The following CSMD1 variants were observed in gnomAD, a reference collection of about 807,000 sequenced individuals.
CSMD1 encodes the protein CUB and sushi domain-containing protein 1.
Under a neutral mutation model 417.5 loss-of-function variants are expected in CSMD1, and 213 were observed. That is an observed-to-expected ratio of 0.51 (90% CI 0.46 to 0.57). The LOEUF is 0.57. Ranked by LOEUF, CSMD1 falls within the 20% of genes least tolerant of loss-of-function variation. The probability of loss-of-function intolerance (pLI) is 0.00; values close to 1 mark genes in which losing one functional copy is unlikely to be tolerated. For synonymous variants in CSMD1, 2,862 were observed against 1,736.8 expected (o/e 1.65, Z -16.11); for missense variants, 6,923 against 4,529.7 (o/e 1.53, Z -15.17).
At chr8:3,963,196 T>G (rs1000827171) in intron 5 of CSMD1, among the ~76,000 whole-genome samples, 1 of 152,170 alleles carries the variant, frequency 6.6e-6, no homozygotes, top group East Asian at 1.9e-4. Flanking sequence ...CCTCCCAAAG[T>G]GCTGGGATCA....
chr8:4,221,380 A>G lies in CSMD1; in HGVS notation c.416-189281T>C, dbSNP rs1024814374. The stretch of plus-strand genomic sequence containing the variant: ...GCCCATCTCTACAAGGAAAGTGAGA[A>G]AAAAAAAAAAAAACAACACATTGAC... On this transcript the variant is annotated intron_variant, in intron 3 of 69. Coordinates refer to ENST00000635120, the MANE Select transcript of CSMD1 (RefSeq NM_033225.6). Among the ~76,000 whole-genome samples, 6 of 36,318 alleles carry G rather than the reference A, an allele frequency of 1.7e-4. No individual in the cohort carries two copies. The African/African-American group carries it at 1.7e-3, about 10-fold the overall frequency. 23.8% of individuals were successfully genotyped at this position (36,318 alleles called of 152,430 possible). A position where few individuals can be genotyped will look rare whatever the true frequency, so the allele number is the denominator to read the frequency against.
chr8:3,545,965 T>C (rs1019220857), intron 10 of CSMD1, among the ~76,000 whole-genome samples: 11 of 152,246 alleles, frequency 7.2e-5, no homozygotes, highest in African/African-American at 2.4e-4. Flanking sequence ...AAGGTTTAGC[T>C]CCTAAGCCAA....
At chr8:3,097,113 T>C (rs1462874671) in intron 46 of CSMD1, 76 bp from the exon 47 acceptor site, 1 of 1,186,704 alleles carries the variant, frequency 8.4e-7, no homozygotes, top group Non-Finnish European at 1.1e-6. Context: ...TCTATCCCTG[T>C]ATAAACAAGT....
At chr8:3,312,787 C>G (rs903536782) in intron 23 of CSMD1, among the ~76,000 whole-genome samples, 1 of 137,208 alleles carries the variant, frequency 7.3e-6, no homozygotes, top group Non-Finnish European at 1.6e-5. Flanking sequence ...ATGTCAGCAT[C>G]TCTCAGGTTC....
At chr8:3,328,755 C>A (rs1019243925) in intron 23 of CSMD1, among the ~76,000 whole-genome samples, 4 of 152,050 alleles carry the variant, frequency 2.6e-5, no homozygotes, top group African/African-American at 9.7e-5. Flanking sequence ...AAAAATCTGG[C>A]TTTTGTCATC....
chr8:2,948,346 A>G (rs1311262807), intron 68 of CSMD1, among the ~76,000 whole-genome samples: 1 of 152,030 alleles, frequency 6.6e-6, no homozygotes, highest in Non-Finnish European at 1.5e-5. Context: ...CTAGATGACA[A>G]AAATAGGAAG....
intron 50 of CSMD1, among the ~76,000 whole-genome samples, chr8:3,047,060 T>C (rs1261044009): frequency 6.6e-6 from 1 of 151,842 alleles, no homozygotes; most frequent in Non-Finnish European, 1.5e-5. Flanking sequence ...ATACAAAAAT[T>C]AGCTGGGTGT....
At chr8:4,948,019 T>C (rs1419850757) in intron 1 of CSMD1, among the ~76,000 whole-genome samples, 1 of 152,060 alleles carries the variant, frequency 6.6e-6, no homozygotes, top group African/African-American at 2.4e-5. Flanking sequence ...TGTCAGCTTG[T>C]GTTACACATT....
intron 1 of CSMD1, among the ~76,000 whole-genome samples, chr8:4,938,259 C>T (rs1337508452): frequency 6.6e-6 from 1 of 152,018 alleles, no homozygotes. Context: ...CAATAATTTC[C>T]AAAACTCTAT....
At chr8:4,044,770 C>G (rs930197869) in intron 3 of CSMD1, among the ~76,000 whole-genome samples, 2 of 152,208 alleles carry the variant, frequency 1.3e-5, no homozygotes, top group African/African-American at 4.8e-5. Flanking sequence ...ACATAGCACC[C>G]TAGCCGTGTA....
At chr8:3,861,536 T>C (rs934441524) in intron 5 of CSMD1, among the ~76,000 whole-genome samples, 1 of 152,174 alleles carries the variant, frequency 6.6e-6, no homozygotes, top group Non-Finnish European at 1.5e-5. Flanking sequence ...GGGAGAATTC[T>C]GGGATTTAAC....
chr8:3,753,914 G>C lies in CSMD1; in HGVS notation c.931+16C>G, dbSNP rs946545284. The C allele has an allele frequency of 3.5e-5, 54 of 1,522,368 alleles. No homozygotes were observed. Among genetic ancestry groups the C allele is most frequent in the Non-Finnish European group, 4.6e-5 (51 of 1,104,738 alleles). 94.3% of individuals were successfully genotyped at this position (1,522,368 alleles called of 1,614,324 possible). ...GCTCTGTTTTTTTTTTTTCTTATAA[G>C]ATGGAGCATCCTTACCTTGGAACTG... is the stretch of plus-strand genomic sequence containing the variant. On this transcript the variant is annotated intron_variant, in intron 6 of 69. Transcript: ENST00000635120.
At chr8:3,414,917 C>A (rs1433764570) in intron 12 of CSMD1, among the ~76,000 whole-genome samples, 1 of 152,126 alleles carries the variant, frequency 6.6e-6, no homozygotes, top group Non-Finnish European at 1.5e-5. Flanking sequence ...TCTAGCACCA[C>A]TCTCTTTTCT....
Position 3,313,890 on chromosome 8 carries a change from A to G in CSMD1, c.3632-5387T>C, listed in dbSNP as rs1240774093. 2.0e-5 allele frequency among the ~76,000 whole-genome samples: 3 copies of G among 152,328 alleles called. No individual in the cohort carries two copies. The East Asian group carries it at 5.8e-4, about 29-fold the overall frequency. ...CAACCCAAATGTCCAACAATGATAG[A>G]CTGGATTAAGAAAATGTGGCACATA... On this transcript the variant is annotated intron_variant, in intron 23 of 69. Transcript: ENST00000635120.
intron 5 of CSMD1, among the ~76,000 whole-genome samples, chr8:3,796,892 G>A (rs769957423): frequency 2.6e-5 from 4 of 151,590 alleles, no homozygotes; most frequent in East Asian, 1.9e-4. Flanking sequence ...AATTCCTCAC[G>A]GTTCTGCCTA....
chr8:2,950,120 G>A (rs1802524681), intron 67 of CSMD1, 111 bp downstream of exon 67: 1 of 681,956 alleles, frequency 1.5e-6, no homozygotes, highest in Non-Finnish European at 2.6e-6. Flanking sequence ...TTTTCAAGGG[G>A]CAGACACAAG....
intron 3 of CSMD1, among the ~76,000 whole-genome samples, chr8:4,221,325 G>A (rs990187409): frequency 1.3e-5 from 2 of 150,128 alleles, no homozygotes; most frequent in African/African-American, 4.9e-5. Flanking sequence ...ACCACTTCTT[G>A]CTCACAAAAT....
At chr8:4,951,914 T>G (rs111243371) in intron 1 of CSMD1, among the ~76,000 whole-genome samples, 1 of 151,584 alleles carries the variant, frequency 6.6e-6, no homozygotes, top group African/African-American at 2.4e-5. Flanking sequence ...ATTTATATAT[T>G]TAGAAAAAAA....
chr8:4,206,843 C>T (rs933952699), intron 3 of CSMD1, among the ~76,000 whole-genome samples: 1 of 152,036 alleles, frequency 6.6e-6, no homozygotes, highest in Admixed American at 6.6e-5. Flanking sequence ...TTTGTGGGCT[C>T]CTAGAAGCAA....
Sources: gnomAD v4.1 joint callset for allele counts (sites outside exome capture counted in the v4.1 genomes callset) on GRCh38, gnomAD v4.1.1 for gene constraint, MANE v1.5 for transcripts, NCBI Gene and HGNC (gene_info 2026-07-23, HGNC 2026-07-21) for gene names.